FANCC: variants seen among roughly 807,000 people sequenced by gnomAD.
The protein encoded by FANCC is Fanconi anemia group C protein.
In FANCC, 55 loss-of-function variants were observed where a neutral mutation model predicts 71.3. The ratio of observed to expected loss-of-function variants is 0.77; its 90% CI spans 0.62 to 0.97. FANCC has a LOEUF of 0.97. Ranked by LOEUF, FANCC falls within the 50% of genes least tolerant of loss-of-function variation. The pLI is 0.00. For missense variants in FANCC, 678 were observed against 670.9 expected (o/e 1.01, Z -0.12); for synonymous variants, 275 against 244.9 (o/e 1.12, Z -1.15).
rs1283808333 is a variant in FANCC, at chr9:95,171,956, T to A, written c.456+81A>T. 4 of 890,196 alleles carry A rather than the reference T, an allele frequency of 4.5e-6. No individual in the cohort carries two copies. The African/African-American group carries it at 6.7e-5, about 15-fold the overall frequency. 55.1% of individuals were successfully genotyped at this position (890,196 alleles called of 1,614,324 possible). On this transcript the variant is annotated intron_variant, in intron 5 of 14. Transcript: ENST00000289081. Reference sequence around the variant, plus strand: ...AAGTTAAACATCTCTTCTGGAGGACTGAAATATTTCCATTTACTCTTTTTG... The same window carrying A: ...AAGTTAAACATCTCTTCTGGAGGACAGAAATATTTCCATTTACTCTTTTTG...
chr9:95,216,276 A>G (rs2135907864), intron 4 of FANCC, among the ~76,000 whole-genome samples: 1 of 152,382 alleles, frequency 6.6e-6, no homozygotes, highest in East Asian at 1.9e-4. Flanking sequence ...AAAAGGGTCA[A>G]TTCATCAAGA....
Position 95,150,227 on chromosome 9 carries a change from G to A in FANCC, c.522-140C>T, listed in dbSNP as rs536941936. ...TAAAGAGAATGACTCTAACACCATC[G>A]ATGAACACTTCTCTTTTATCCAATT... On this transcript the variant is annotated intron_variant, in intron 6 of 14. Coordinates refer to ENST00000289081, the MANE Select transcript of FANCC (RefSeq NM_000136.3). The A allele has an allele frequency of 5.9e-5, 45 of 763,050 alleles. No individual in the cohort carries two copies. In the South Asian group the frequency reaches 7.2e-4, roughly 12 times the overall value. 47.3% of individuals were successfully genotyped at this position (763,050 alleles called of 1,614,324 possible).
At chr9:95,120,395 G>A (rs1361579596) in intron 10 of FANCC, among the ~76,000 whole-genome samples, 1 of 151,130 alleles carries the variant, frequency 6.6e-6, no homozygotes, top group East Asian at 1.9e-4. Context: ...TCACTGTCTT[G>A]ATTACAATGG....
Position 95,101,519 on chromosome 9 carries a change from G to T in FANCC, c.*188C>A. 1.4e-6 allele frequency: 1 copy of T among 707,214 alleles called. No homozygotes were observed. Among genetic ancestry groups the T allele is most frequent in the East Asian group, 2.7e-5 (1 of 36,456 alleles). 43.8% of individuals were successfully genotyped at this position (707,214 alleles called of 1,614,324 possible). A position where few individuals can be genotyped will look rare whatever the true frequency, so the allele number is the denominator to read the frequency against. ...AGTGAACATGTCTGACTGAGTCTGGGCTGAGGGACCTGGCTCTGCATTTTG... is the reference window on the plus strand; with the variant it reads ...AGTGAACATGTCTGACTGAGTCTGGTCTGAGGGACCTGGCTCTGCATTTTG... On this transcript the variant is annotated 3_prime_UTR_variant, in exon 15 of 15. Coordinates refer to ENST00000289081, the MANE Select transcript of FANCC (RefSeq NM_000136.3).
At chr9:95,286,262 C>G (rs926360783) in intron 1 of FANCC, among the ~76,000 whole-genome samples, 2 of 152,032 alleles carry the variant, frequency 1.3e-5, no homozygotes, top group Non-Finnish European at 2.9e-5. Flanking sequence ...TTTTTGTAAC[C>G]AGTGCAGTGA....
chr9:95,192,388 A>T (rs572707408), intron 4 of FANCC, among the ~76,000 whole-genome samples: 32 of 152,354 alleles, frequency 2.1e-4, no homozygotes, highest in African/African-American at 6.7e-4. Flanking sequence ...TGGGAAACCC[A>T]GTAGTGACAC....
intron 4 of FANCC, among the ~76,000 whole-genome samples, chr9:95,235,398 GAAAT>G (rs1218154491): frequency 6.6e-6 from 1 of 152,224 alleles, no homozygotes; most frequent in African/African-American, 2.4e-5. Context: ...CATCAACGTG[GAAAT>G]AAGATGAAAA....
chr9:95,191,035 G>A (rs1460509927), intron 4 of FANCC, among the ~76,000 whole-genome samples: 6 of 152,120 alleles, frequency 3.9e-5, no homozygotes, highest in African/African-American at 1.4e-4. Flanking sequence ...TTTCTATGCT[G>A]AGGTCTTCTG....
chr9:95,258,118 G>T (rs563594000), intron 1 of FANCC, among the ~76,000 whole-genome samples: 44 of 152,314 alleles, frequency 2.9e-4, no homozygotes, highest in Non-Finnish European at 5.3e-4. Context: ...GGTACAAAGA[G>T]AAGCTGGTAC....
At chr9:95,185,742 G>A (rs368798827) in intron 4 of FANCC, among the ~76,000 whole-genome samples, 380 of 152,290 alleles carry the variant, frequency 2.5e-3, no homozygotes, top group Middle Eastern at 6.8e-3. Context: ...AAGCCTAAGT[G>A]GACAAAGTAT....
At chr9:95,162,418 G>T in intron 6 of FANCC, among the ~76,000 whole-genome samples, 1 of 152,084 alleles carries the variant, frequency 6.6e-6, no homozygotes. Context: ...AATGAACATG[G>T]GTGTGCAAAT....
intron 6 of FANCC, among the ~76,000 whole-genome samples, chr9:95,154,685 C>T (rs1262605061): frequency 6.6e-6 from 1 of 152,118 alleles, no homozygotes; most frequent in Non-Finnish European, 1.5e-5. Flanking sequence ...AGAATCTACA[C>T]CCCACTTCTT....
intron 1 of FANCC, among the ~76,000 whole-genome samples, chr9:95,271,888 T>C (rs1164061744): frequency 6.8e-6 from 1 of 147,980 alleles, no homozygotes; most frequent in Admixed American, 6.8e-5. Context: ...TTCCAAAGTA[T>C]GGCTCCTTCC....
chr9:95,314,362 A>T (rs1198691539), intron 1 of FANCC, among the ~76,000 whole-genome samples: 1 of 152,182 alleles, frequency 6.6e-6, no homozygotes, highest in Non-Finnish European at 1.5e-5. Flanking sequence ...TTCTTAATAA[A>T]CTTGCTTTCG....
chr9:95,304,909 A>T (rs766628862), intron 1 of FANCC, among the ~76,000 whole-genome samples: 2 of 152,168 alleles, frequency 1.3e-5, no homozygotes, highest in African/African-American at 2.4e-5. Flanking sequence ...ACAGTTACCA[A>T]CTTCAGATTA....
At chr9:95,290,959 C>G (rs1306518037) in intron 1 of FANCC, among the ~76,000 whole-genome samples, 1 of 152,134 alleles carries the variant, frequency 6.6e-6, no homozygotes, top group African/African-American at 2.4e-5. Context: ...ACCACATTAA[C>G]AGAACCAAGA....
At chr9:95,105,842 G>A (rs73654531) in intron 14 of FANCC, among the ~76,000 whole-genome samples, 1 of 152,170 alleles carries the variant, frequency 6.6e-6, no homozygotes, top group Non-Finnish European at 1.5e-5. Context: ...ACTCTCTTGT[G>A]GGTACAGATC....
intron 4 of FANCC, among the ~76,000 whole-genome samples, chr9:95,225,002 A>G (rs2135957146): frequency 6.6e-6 from 1 of 152,358 alleles, no homozygotes; most frequent in Non-Finnish European, 1.5e-5. Flanking sequence ...GCTAATTTAT[A>G]GAAACTCCAA....
chr9:95,227,882 T>G (rs1829724643), intron 4 of FANCC, among the ~76,000 whole-genome samples: 1 of 152,186 alleles, frequency 6.6e-6, no homozygotes, highest in African/African-American at 2.4e-5. Context: ...TCAGGTCTCC[T>G]AGTACCATAC....
Sources: allele counts gnomAD v4.1 joint callset (sites outside exome capture counted in the v4.1 genomes callset), GRCh38; gene constraint gnomAD v4.1.1; transcripts MANE v1.5; gene names NCBI Gene and HGNC (gene_info 2026-07-23, HGNC 2026-07-21).